Variants in ECT2L observed in about 807,000 individuals in gnomAD.
ECT2L encodes the protein epithelial cell transforming 2 like, also known as epithelial cell-transforming sequence 2 oncogene-like.
ECT2L carries 126 observed loss-of-function variants against 122.8 expected under a neutral mutation model. That is an observed-to-expected ratio of 1.03 (90% CI 0.89 to 1.19). ECT2L has a LOEUF of 1.19. Ranked by LOEUF, ECT2L falls within the 50% of genes most tolerant of loss-of-function variation. ECT2L has a pLI of 0.00. For synonymous variants in ECT2L, 385 were observed against 381.8 expected (o/e 1.01, Z -0.10); for missense variants, 1,012 against 1,064.1 (o/e 0.95, Z 0.68).
chr6:138,800,622 G>A (rs1583534566), intron 1 of ECT2L, among the ~76,000 whole-genome samples: 1 of 152,148 alleles, frequency 6.6e-6, no homozygotes, highest in Non-Finnish European at 1.5e-5. Flanking sequence ...TTAACATAAT[G>A]ATGGAAATTG....
chr6:138,813,302 G>A lies in ECT2L; in HGVS notation c.28G>A (p.Ala10Thr). Residue 10 changes from alanine to threonine, a missense_variant, in exon 3 of 22, where the codon GCC becomes ACC. Ala to Thr is a moderately conservative substitution (Grantham distance 58, BLOSUM62 0). Transcript: ENST00000541398. Reference protein sequence around the residue: MESFHTRFSAWTPFSNKSLN... With the variant: MESFHTRFSTWTPFSNKSLN... ...GGAGAGCTTCCACACCAGATTTAGT[G>A]CCTGGACACCTTTTAGCAACAAGTC... 4 of 1,612,562 alleles carry A rather than the reference G, an allele frequency of 2.5e-6. No individual in the cohort carries two copies. The highest frequency in any genetic ancestry group is 1.7e-4 in the Middle Eastern group (1 of 6,052).
At position 138,854,052 on chromosome 6, in the gene ECT2L, C is replaced by T; in HGVS notation, c.1096C>T (p.Leu366=). 6.2e-7 allele frequency: 1 copy of T among 1,613,886 alleles called. No homozygotes were observed. The highest frequency in any genetic ancestry group is 8.5e-7 in the Non-Finnish European group (1 of 1,179,894). Residue 366 remains leucine (L), a synonymous_variant, in exon 10 of 22, where the codon CTG becomes TTG. Coordinates refer to ENST00000541398, the MANE Select transcript of ECT2L (RefSeq NM_001077706.3). The part of the protein sequence containing the change: ...QGYKIGVKNL[L]RPEVRDFWEK... ...CTATAAAATTGGTGTTAAAAATTTA[C>T]TGAGGCCTGAAGTGAGAGATTTCTG...
At chr6:138,855,019 G>A (rs1168351897) in intron 10 of ECT2L, among the ~76,000 whole-genome samples, 1 of 151,916 alleles carries the variant, frequency 6.6e-6, no homozygotes, top group Non-Finnish European at 1.5e-5. Flanking sequence ...GTAACTGTGA[G>A]TTTTAAAATT....
At chr6:138,899,375 A>G (rs998795527) in intron 20 of ECT2L, among the ~76,000 whole-genome samples, 1 of 152,194 alleles carries the variant, frequency 6.6e-6, no homozygotes, top group African/African-American at 2.4e-5. Context: ...GAAAAGCAAG[A>G]AAAGAGTAGG....
At chr6:138,866,990 C>T (rs951064882) in intron 12 of ECT2L, among the ~76,000 whole-genome samples, 1 of 151,988 alleles carries the variant, frequency 6.6e-6, no homozygotes, top group Non-Finnish European at 1.5e-5. Flanking sequence ...ACGAGAACTG[C>T]TTGAGCCAGG....
In ECT2L at chr6:138,828,379, T is replaced by C. The variant is rs557154655; in HGVS notation, c.180-9973T>C. On this transcript the variant is annotated intron_variant, in intron 4 of 21. Coordinates refer to ENST00000541398, the MANE Select transcript of ECT2L (RefSeq NM_001077706.3). ...CCTTTTTCTTTTCTCCCTTGTCTTG[T>C]AGGGTTTCCCACAGTCTGCATTTTG... 5.3e-5 allele frequency among the ~76,000 whole-genome samples: 8 copies of C among 152,356 alleles called. No homozygotes were observed. In the South Asian group the frequency reaches 1.7e-3, roughly 32 times the overall value.
rs553801707 is a variant in ECT2L, at chr6:138,871,266, C to T, written c.1578+3060C>T. On this transcript the variant is annotated intron_variant, in intron 13 of 21. Coordinates refer to ENST00000541398, the MANE Select transcript of ECT2L (RefSeq NM_001077706.3). ...GTCACCTGTCTTTGATGTTTGAAGG[C>T]GTAGGATGGCAGTCCCTAACATAAT... Among the ~76,000 whole-genome samples, 5 of 152,240 alleles carry T rather than the reference C, an allele frequency of 3.3e-5. No homozygotes were observed. In the South Asian group the frequency reaches 8.3e-4, roughly 25 times the overall value.
In ECT2L at chr6:138,886,922, T is replaced by G; in HGVS notation, c.2325T>G (p.Pro775=). The change falls in exon 19 of 22, where the codon CCT becomes CCG. Residue 775 remains proline, a splice_region_variant and synonymous_variant. Coordinates refer to ENST00000541398, the MANE Select transcript of ECT2L (RefSeq NM_001077706.3). ...TACAGAGAATCATCTGGGGATGCCC[T>G]GTATGTATTCTTAGGAACTTGCTGT... The part of the protein sequence containing the change: ...SDIQRIIWGC[P]TLSEVNRYLI... 1 of 1,611,380 alleles carries G rather than the reference T, an allele frequency of 6.2e-7. No homozygotes were observed. Among genetic ancestry groups the G allele is most frequent in the Non-Finnish European group, 8.5e-7 (1 of 1,178,106 alleles).
chr6:138,838,233 G>A, intron 4 of ECT2L, 119 bp from the exon 5 acceptor site: 1 of 1,009,900 alleles, frequency 9.9e-7, no homozygotes, highest in Non-Finnish European at 1.4e-6. Flanking sequence ...TTTATGTTTT[G>A]TTAGGATTTA....
At chr6:138,838,617 A>G in intron 5 of ECT2L, 103 bp downstream of exon 5, 1 of 1,175,410 alleles carries the variant, frequency 8.5e-7, no homozygotes. Context: ...AGCTGAGGGT[A>G]CCTGATCCAT....
intron 3 of ECT2L, among the ~76,000 whole-genome samples, chr6:138,813,816 A>G (rs1775982021): frequency 1.3e-5 from 2 of 152,186 alleles, no homozygotes; most frequent in South Asian, 4.1e-4. Flanking sequence ...TAGAGAAGGC[A>G]AACTGGGTGC....
intron 7 of ECT2L, 70 bp downstream of exon 7, chr6:138,844,650 T>C: frequency 7.1e-7 from 1 of 1,418,070 alleles, no homozygotes; most frequent in South Asian, 1.2e-5. Context: ...AGAATAAATT[T>C]AGCTATCACG....
chr6:138,800,270 C>T lies in ECT2L; in HGVS notation c.-244+4078C>T, dbSNP rs1019313896. ...AATGTTTTTTCCAGTAGAGACATGC[C>T]ACTTTGTAGAAGAACAAGATCATTC... On this transcript the variant is annotated intron_variant, in intron 1 of 21. Coordinates refer to ENST00000541398, the MANE Select transcript of ECT2L (RefSeq NM_001077706.3). 5.9e-5 allele frequency among the ~76,000 whole-genome samples: 9 copies of T among 152,130 alleles called. 1 individual carries two copies. Among genetic ancestry groups the T allele is most frequent in the Admixed American group, 3.3e-4 (5 of 15,280 alleles).
At chr6:138,867,940 C>T (rs1778105751) in intron 12 of ECT2L, among the ~76,000 whole-genome samples, 163 bp from the exon 13 acceptor site, 1 of 141,656 alleles carries the variant, frequency 7.1e-6, no homozygotes, top group African/African-American at 2.7e-5. Flanking sequence ...ATCAAGGCTG[C>T]AGTGAGCTAT....
At chr6:138,800,318 C>T (rs571050652) in intron 1 of ECT2L, among the ~76,000 whole-genome samples, 5 of 152,282 alleles carry the variant, frequency 3.3e-5, no homozygotes, top group African/African-American at 1.2e-4. Flanking sequence ...GGAAAAACTT[C>T]ATGGCACAGT....
At chr6:138,844,085 T>C (rs567643976) in intron 6 of ECT2L, among the ~76,000 whole-genome samples, 27 of 152,256 alleles carry the variant, frequency 1.8e-4, no homozygotes, top group African/African-American at 6.5e-4. Context: ...TCTGGTGAGA[T>C]CGTGACAAAT....
intron 9 of ECT2L, among the ~76,000 whole-genome samples, chr6:138,852,877 G>A (rs916535858): frequency 4.6e-5 from 7 of 152,076 alleles, no homozygotes; most frequent in Non-Finnish European, 7.4e-5. Context: ...TCCTGTTAGA[G>A]TTTCTTGATC....
At chr6:138,892,950 A>C (rs1033801715) in intron 20 of ECT2L, among the ~76,000 whole-genome samples, 1 of 152,164 alleles carries the variant, frequency 6.6e-6, no homozygotes, top group African/African-American at 2.4e-5. Flanking sequence ...AGTTTTCTCC[A>C]GTGTCCTTTT....
chr6:138,854,852 C>T (rs1051927325), intron 10 of ECT2L, among the ~76,000 whole-genome samples: 2 of 152,168 alleles, frequency 1.3e-5, no homozygotes, highest in Non-Finnish European at 2.9e-5. Context: ...TGAAGAGAAA[C>T]TTCAGAAGCA....
Sources: allele counts gnomAD v4.1 joint callset (sites outside exome capture counted in the v4.1 genomes callset), GRCh38; gene constraint gnomAD v4.1.1; transcripts MANE v1.5; gene names NCBI Gene and HGNC (gene_info 2026-07-23, HGNC 2026-07-21).